POU2AF1: variants seen among roughly 807,000 people sequenced by gnomAD.
POU2AF1 encodes the protein POU class 2 homeobox associating factor 1.
A neutral mutation model predicts 26.3 loss-of-function variants in POU2AF1; 12 were observed. The ratio of observed to expected loss-of-function variants is 0.46; its 90% CI spans 0.29 to 0.74. POU2AF1 has a LOEUF of 0.74. POU2AF1 is among the 30% of genes least tolerant of loss of function. The probability of loss-of-function intolerance (pLI) is 0.09; values close to 1 mark genes in which losing one functional copy is unlikely to be tolerated. For synonymous variants in POU2AF1, 175 were observed against 148.0 expected, an observed-to-expected ratio of 1.18 and a Z score of -1.32; for missense variants, 297 against 334.5, an observed-to-expected ratio of 0.89 and a Z score of 0.87.
intron 1 of POU2AF1, among the ~76,000 whole-genome samples, chr11:111,372,698 G>A (rs1861236172): frequency 6.6e-6 from 1 of 152,202 alleles, no homozygotes; most frequent in Non-Finnish European, 1.5e-5. Context: ...AGTGAAGACT[G>A]GCAGTTGTTA....
chr11:111,376,878 G>C (rs916298935), intron 1 of POU2AF1, among the ~76,000 whole-genome samples: 1 of 152,210 alleles, frequency 6.6e-6, no homozygotes, highest in South Asian at 2.1e-4. Flanking sequence ...AAGGGGGTGG[G>C]TCCAGAGCCC....
At chr11:111,367,858 G>A (rs983259169) in intron 1 of POU2AF1, among the ~76,000 whole-genome samples, 1 of 152,168 alleles carries the variant, frequency 6.6e-6, no homozygotes, top group East Asian at 1.9e-4. Context: ...GGTATTTTTC[G>A]ACTGAAATGA....
Position 111,377,971 on chromosome 11 carries a change from C to T in POU2AF1, c.16+1191G>A, listed in dbSNP as rs187622577. The T allele has an allele frequency of 1.2e-4, 20 of 168,176 alleles. No individual in the cohort carries two copies. The East Asian group carries it at 2.0e-3, about 16-fold the overall frequency. The allele number at this position is 168,176 out of a possible 1,614,324, so 10.4% of individuals were successfully genotyped here. On this transcript the variant is annotated intron_variant, in intron 1 of 4. Transcript: ENST00000393067. ...CTCTTTATTTTTTTAAAAAATTGAC[C>T]TTTTGATATCAAACAATGGTGGGTC... is the stretch of plus-strand genomic sequence containing the variant.
At chr11:111,365,241 T>A (rs1301063292) in intron 1 of POU2AF1, among the ~76,000 whole-genome samples, 2 of 152,204 alleles carry the variant, frequency 1.3e-5, no homozygotes, top group African/African-American at 4.8e-5. Context: ...TTCTGGATAA[T>A]GCTCAGCTTT....
chr11:111,358,585 C>T (rs1485910957), intron 2 of POU2AF1, among the ~76,000 whole-genome samples: 2 of 118,712 alleles, frequency 1.7e-5, no homozygotes, highest in East Asian at 4.2e-4. Flanking sequence ...CTCACACTCC[C>T]TCACACACAC....
chr11:111,370,576 T>C (rs1485926050), intron 1 of POU2AF1, among the ~76,000 whole-genome samples: 2 of 152,136 alleles, frequency 1.3e-5, no homozygotes, highest in African/African-American at 4.8e-5. Flanking sequence ...CAGGGAAATG[T>C]GGGGGAACAT....
intron 1 of POU2AF1, among the ~76,000 whole-genome samples, chr11:111,375,853 AAGCAGCCCT>A (rs1400074323): frequency 6.6e-6 from 1 of 152,204 alleles, no homozygotes; most frequent in African/African-American, 2.4e-5. Context: ...AACTCTGCAA[AAGCAGCCCT>A]AGACAATATT....
chr11:111,372,250 T>C (rs1017361213), intron 1 of POU2AF1, among the ~76,000 whole-genome samples: 3 of 152,204 alleles, frequency 2.0e-5, no homozygotes, highest in Admixed American at 6.5e-5. Context: ...GGGGGCAAAC[T>C]CTAGATCCTT....
At chr11:111,363,134 C>G in intron 1 of POU2AF1, 2 of 1,010,900 alleles carry the variant, frequency 2.0e-6, no homozygotes, top group Non-Finnish European at 2.4e-6. Context: ...AACAGGTGTG[C>G]CCTGGCACAA....
chr11:111,379,049 C>A (rs1327844546), intron 1 of POU2AF1, 113 bp downstream of exon 1: 13 of 1,284,802 alleles, frequency 1.0e-5, no homozygotes, highest in Non-Finnish European at 1.2e-5. Context: ...CAGACCCCCT[C>A]CCCCCGTGGC....
intron 1 of POU2AF1, among the ~76,000 whole-genome samples, chr11:111,359,669 G>T (rs547981152): frequency 6.6e-6 from 1 of 152,266 alleles, no homozygotes; most frequent in Admixed American, 6.5e-5. Flanking sequence ...TCAGGTACAG[G>T]GTAGGCATTC....
At position 111,373,843 on chromosome 11, in the gene POU2AF1, G is replaced by C. The variant is rs564179266; in HGVS notation, c.16+5319C>G. Reference sequence around the variant, plus strand: ...GGTAGGCTCACTTAGTTGTCAAGCAGTTCTACAAAAATGAGAAAACTAGAG... The same window carrying C: ...GGTAGGCTCACTTAGTTGTCAAGCACTTCTACAAAAATGAGAAAACTAGAG... On this transcript the variant is annotated intron_variant, in intron 1 of 4. Transcript: ENST00000393067. 7.2e-5 allele frequency among the ~76,000 whole-genome samples: 11 copies of C among 152,308 alleles called. No individual in the cohort carries two copies. In the East Asian group the frequency reaches 2.1e-3, roughly 29 times the overall value.
intron 2 of POU2AF1, 60 bp downstream of exon 2, chr11:111,358,726 CCT>C (rs1860940443): frequency 1.3e-6 from 2 of 1,519,656 alleles, no homozygotes; most frequent in South Asian, 1.2e-5. Context: ...TCACACTATC[CCT>C]GACACACACA....
At position 111,374,356 on chromosome 11, in the gene POU2AF1, G is replaced by A. The variant is rs770681482; in HGVS notation, c.16+4806C>T. 7.2e-5 allele frequency among the ~76,000 whole-genome samples: 11 copies of A among 152,270 alleles called. No individual in the cohort carries two copies. The East Asian group carries it at 1.7e-3, about 24-fold the overall frequency. On this transcript the variant is annotated intron_variant, in intron 1 of 4. Transcript: ENST00000393067. ...TTTATTTCACCTCCAGACAGTGCAC[G>A]TGAATTTGTGTCTCTCTTTTGGATT...
intron 1 of POU2AF1, chr11:111,359,267 C>T (rs755680614): frequency 1.4e-5 from 4 of 292,100 alleles, no homozygotes; most frequent in Non-Finnish European, 2.6e-5. Flanking sequence ...TCCTGCGTGT[C>T]TCACCTCCTC....
intron 2 of POU2AF1, among the ~76,000 whole-genome samples, chr11:111,358,487 CACAT>C (rs1192627137): frequency 1.0e-4 from 15 of 150,058 alleles, no homozygotes; most frequent in East Asian, 2.0e-4. Context: ...CACACACTGA[CACAT>C]ACACATTCTC....
intron 1 of POU2AF1, among the ~76,000 whole-genome samples, chr11:111,361,290 A>C (rs1861003800): frequency 6.6e-6 from 1 of 152,134 alleles, no homozygotes; most frequent in Non-Finnish European, 1.5e-5. Context: ...CTAGCAGGGG[A>C]ACCAGCCTGG....
chr11:111,371,572 C>T (rs1170165813), intron 1 of POU2AF1, among the ~76,000 whole-genome samples: 1 of 152,148 alleles, frequency 6.6e-6, no homozygotes, highest in African/African-American at 2.4e-5. Flanking sequence ...CACTAACCCA[C>T]CACAAGTTAC....
At chr11:111,372,055 C>CAGAGAG (rs1469970188) in intron 1 of POU2AF1, among the ~76,000 whole-genome samples, 15 of 137,680 alleles carry the variant, frequency 1.1e-4, no homozygotes, top group African/African-American at 4.4e-4. Context: ...CACACACACA[C>CAGAGAG]ACACACACAC....
Sources: gnomAD v4.1 joint callset for allele counts (sites outside exome capture counted in the v4.1 genomes callset) on GRCh38, gnomAD v4.1.1 for gene constraint, MANE v1.5 for transcripts, NCBI Gene and HGNC (gene_info 2026-07-23, HGNC 2026-07-21) for gene names.